FNBP1L: variants seen among roughly 807,000 people sequenced by gnomAD.
The protein encoded by FNBP1L is formin binding protein 1 like.
A neutral mutation model predicts 91.2 loss-of-function variants in FNBP1L; 36 were observed. The ratio of observed to expected loss-of-function variants is 0.39; its 90% CI spans 0.30 to 0.52. The LOEUF is 0.52. FNBP1L is among the 20% of genes least tolerant of loss of function. The pLI is 0.66. For synonymous variants in FNBP1L, 242 were observed against 237.0 expected, an observed-to-expected ratio of 1.02 and a Z score of -0.19; for missense variants, 571 against 732.1, an observed-to-expected ratio of 0.78 and a Z score of 2.54.
chr1:93,474,091 A>G (rs1208556780), intron 1 of FNBP1L, among the ~76,000 whole-genome samples: 1 of 152,174 alleles, frequency 6.6e-6, no homozygotes, highest in East Asian at 1.9e-4. Flanking sequence ...CTAAAAATAC[A>G]AAAATTAGCG....
chr1:93,538,687 C>T (rs983895532), intron 10 of FNBP1L, among the ~76,000 whole-genome samples: 3 of 151,668 alleles, frequency 2.0e-5, no homozygotes, highest in Non-Finnish European at 2.9e-5. Context: ...TTTAGTAAGC[C>T]TGCTTATATG....
chr1:93,504,822 C>G (rs937378449), intron 2 of FNBP1L, among the ~76,000 whole-genome samples: 1 of 152,092 alleles, frequency 6.6e-6, no homozygotes, highest in African/African-American at 2.4e-5. Flanking sequence ...TTTGTATATT[C>G]TGGATATTAA....
chr1:93,536,219 A>G, intron 9 of FNBP1L, 113 bp from the exon 10 acceptor site: 1 of 675,924 alleles, frequency 1.5e-6, no homozygotes, highest in Non-Finnish European at 2.2e-6. Flanking sequence ...TTTTACAGAA[A>G]ACTTTATTTG....
At chr1:93,530,550 C>CT in intron 6 of FNBP1L, among the ~76,000 whole-genome samples, 1 of 152,110 alleles carries the variant, frequency 6.6e-6, no homozygotes, top group South Asian at 2.1e-4. Context: ...GGAGACCACT[C>CT]TGACAGTAAG....
At position 93,483,190 on chromosome 1, in the gene FNBP1L, GAAAAAAAA is replaced by G. The variant is rs76428254; in HGVS notation, c.25-16264_25-16257del. ...AGGCAACAGAGTGAGACCCTGTCTC[GAAAAAAAA>G]AAAAAAAAAAAAAGAAAGGAAAGCT... On this transcript the variant is annotated intron_variant, in intron 1 of 16. Transcript: ENST00000271234. 1.6e-4 allele frequency among the ~76,000 whole-genome samples: 13 copies of G among 80,836 alleles called. No individual in the cohort carries two copies. The East Asian group carries it at 4.1e-3, about 26-fold the overall frequency. 53.0% of individuals were successfully genotyped at this position (80,836 alleles called of 152,430 possible).
chr1:93,538,789 C>G (rs539745430), intron 10 of FNBP1L, among the ~76,000 whole-genome samples: 1 of 152,058 alleles, frequency 6.6e-6, no homozygotes, highest in South Asian at 2.1e-4. Context: ...TTCAGAAACT[C>G]CTGTTTTGTG....
chr1:93,464,207 T>C (rs1570766384), intron 1 of FNBP1L, among the ~76,000 whole-genome samples: 1 of 152,190 alleles, frequency 6.6e-6, no homozygotes, highest in Non-Finnish European at 1.5e-5. Context: ...GATTCAGCAA[T>C]TTCACTTCTG....
At chr1:93,548,136 A>G (rs1472909063) in intron 14 of FNBP1L, among the ~76,000 whole-genome samples, 1 of 152,188 alleles carries the variant, frequency 6.6e-6, no homozygotes, top group Non-Finnish European at 1.5e-5. Flanking sequence ...CTAGTAGTAA[A>G]TAGTGGTAAT....
intron 1 of FNBP1L, among the ~76,000 whole-genome samples, chr1:93,468,540 C>T (rs1157907785): frequency 6.6e-6 from 1 of 152,186 alleles, no homozygotes; most frequent in Non-Finnish European, 1.5e-5. Context: ...AAGCGATCCT[C>T]CCACCTCAGC....
At chr1:93,547,979 C>T (rs1672296829) in intron 14 of FNBP1L, among the ~76,000 whole-genome samples, 1 of 152,146 alleles carries the variant, frequency 6.6e-6, no homozygotes, top group African/African-American at 2.4e-5. Context: ...AGTAACAACT[C>T]TTAGTTTTCT....
At chr1:93,464,245 G>A (rs1668998533) in intron 1 of FNBP1L, among the ~76,000 whole-genome samples, 1 of 152,082 alleles carries the variant, frequency 6.6e-6, no homozygotes, top group Admixed American at 6.6e-5. Context: ...TTGAAAGTAG[G>A]GTTTTGAACA....
chr1:93,465,779 ACT>A (rs991008303), intron 1 of FNBP1L, among the ~76,000 whole-genome samples: 18 of 152,208 alleles, frequency 1.2e-4, no homozygotes, highest in African/African-American at 4.1e-4. Flanking sequence ...GAATCGCCAC[ACT>A]GTCTTCCACA....
chr1:93,530,911 G>A lies in FNBP1L; in HGVS notation c.639+28G>A, dbSNP rs935496909. On this transcript the variant is annotated intron_variant, in intron 7 of 16. Transcript: ENST00000271234. ...AAATCTTAGATATGAAGTTAATCTA[G>A]TTTTAGATTAACTGGTGTTTAAATA... 3.4e-6 allele frequency: 5 copies of A among 1,478,484 alleles called. No individual in the cohort carries two copies. In the African/African-American group the frequency reaches 7.1e-5, roughly 21 times the overall value. The allele number at this position is 1,478,484 out of a possible 1,614,324, so 91.6% of individuals were successfully genotyped here. A position where few individuals can be genotyped will look rare whatever the true frequency, so the allele number is the denominator to read the frequency against.
intron 2 of FNBP1L, among the ~76,000 whole-genome samples, chr1:93,510,666 G>C (rs1472414483): frequency 6.6e-6 from 1 of 152,114 alleles, no homozygotes; most frequent in Non-Finnish European, 1.5e-5. Flanking sequence ...CAAGCTACAG[G>C]AGGACATTCA....
chr1:93,507,119 T>A lies in FNBP1L; in HGVS notation c.140+7536T>A, dbSNP rs1408133991. Among the ~76,000 whole-genome samples, 347 of 138,460 alleles carry A rather than the reference T, an allele frequency of 2.5e-3. 1 individual carries two copies. Among genetic ancestry groups the A allele is most frequent in the African/African-American group, 4.3e-3 (158 of 36,740 alleles). The allele number at this position is 138,460 out of a possible 152,430, so 90.8% of individuals were successfully genotyped here. A position where few individuals can be genotyped will look rare whatever the true frequency, so the allele number is the denominator to read the frequency against. On this transcript the variant is annotated intron_variant, in intron 2 of 16. Coordinates refer to ENST00000271234, the MANE Select transcript of FNBP1L (RefSeq NM_001164473.3). ...CACACACACACACACTCTCTCTCTC[T>A]CTCTCTCTCTCTCTCTCTCTCTCTC...
intron 2 of FNBP1L, among the ~76,000 whole-genome samples, chr1:93,521,113 G>A (rs575829810): frequency 7.9e-5 from 12 of 152,102 alleles, no homozygotes; most frequent in African/African-American, 2.9e-4. Flanking sequence ...TCAAACAAAG[G>A]TAGTCCATTC....
intron 2 of FNBP1L, among the ~76,000 whole-genome samples, chr1:93,517,991 A>G (rs1671190251): frequency 6.6e-6 from 1 of 152,240 alleles, no homozygotes; most frequent in Admixed American, 6.5e-5. Flanking sequence ...TAAAGAGTTT[A>G]GCATTAAGAT....
intron 1 of FNBP1L, among the ~76,000 whole-genome samples, chr1:93,460,049 A>C (rs1668811487): frequency 6.6e-6 from 1 of 151,964 alleles, no homozygotes; most frequent in South Asian, 2.1e-4. Context: ...CCAAAACCTG[A>C]ACTGCTCCAA....
intron 1 of FNBP1L, among the ~76,000 whole-genome samples, chr1:93,491,120 T>C (rs1033955652): frequency 4.0e-5 from 6 of 151,864 alleles, no homozygotes; most frequent in African/African-American, 1.5e-4. Flanking sequence ...TTTTAAAAAA[T>C]TATTTTTTTT....
Sources: gnomAD v4.1 joint callset for allele counts (sites outside exome capture counted in the v4.1 genomes callset) on GRCh38, gnomAD v4.1.1 for gene constraint, MANE v1.5 for transcripts, NCBI Gene and HGNC (gene_info 2026-07-23, HGNC 2026-07-21) for gene names.